LYPLAL1: variants seen among roughly 807,000 people sequenced by gnomAD.
LYPLAL1 encodes the protein lysophospholipase-like protein 1.
Under a neutral mutation model 19.7 loss-of-function variants are expected in LYPLAL1, and 23 were observed. The observed-to-expected ratio is 1.17, with a 90% CI of 0.84 to 1.65. The LOEUF is 1.65. LYPLAL1 is among the 40% of genes most tolerant of loss of function. LYPLAL1 has a pLI of 0.00. For missense variants in LYPLAL1, 355 were observed against 279.4 expected, an observed-to-expected ratio of 1.27 and a Z score of -1.93; for synonymous variants, 119 against 96.3, an observed-to-expected ratio of 1.24 and a Z score of -1.38.
At chr1:219,261,906 G>A in the LYPLAL1 span, among the ~76,000 whole-genome samples, 23 of 152,262 alleles carry the variant, frequency 1.5e-4, no homozygotes, top group African/African-American at 3.4e-4. Flanking sequence ...TGGCAAGGCC[G>A]GGGAATGTTT....
chr1:219,178,003 G>T (rs1329045948), intron 1 of LYPLAL1, among the ~76,000 whole-genome samples: 1 of 152,062 alleles, frequency 6.6e-6, no homozygotes, highest in African/African-American at 2.4e-5. Context: ...CTCGCCCTGG[G>T]ATACTTTTTT....
chr1:219,355,301 A>T, the LYPLAL1 span, among the ~76,000 whole-genome samples: 5 of 152,362 alleles, frequency 3.3e-5, no homozygotes, highest in African/African-American at 1.2e-4. Flanking sequence ...AATAAACAAC[A>T]TACAAAGATA....
At chr1:219,316,977 A>G in the LYPLAL1 span, among the ~76,000 whole-genome samples, 1 of 152,200 alleles carries the variant, frequency 6.6e-6, no homozygotes, top group African/African-American at 2.4e-5. Context: ...GTAGTGATGG[A>G]TGCACAACAT....
the LYPLAL1 span, among the ~76,000 whole-genome samples, chr1:219,386,860 T>C: frequency 6.6e-6 from 1 of 152,176 alleles, no homozygotes; most frequent in African/African-American, 2.4e-5. Flanking sequence ...ACCTCTGATA[T>C]TGCTTTCAAA....
intron 2 of LYPLAL1, among the ~76,000 whole-genome samples, chr1:219,179,853 T>G (rs1034164478): frequency 6.6e-6 from 1 of 152,214 alleles, no homozygotes; most frequent in Non-Finnish European, 1.5e-5. Flanking sequence ...TAAATTAACA[T>G]CTGCATAGTC....
chr1:219,225,680 C>T, the LYPLAL1 span, among the ~76,000 whole-genome samples: 217 of 152,260 alleles, frequency 1.4e-3, 1 homozygote, highest in African/African-American at 5.1e-3. Context: ...TTGGTCTGTT[C>T]CACCACCTAA....
At chr1:219,381,478 A>T in the LYPLAL1 span, among the ~76,000 whole-genome samples, 1 of 152,306 alleles carries the variant, frequency 6.6e-6, no homozygotes, top group South Asian at 2.1e-4. Context: ...TCTATTTTCT[A>T]TCCAAGAGAA....
chr1:219,351,308 G>A, the LYPLAL1 span, among the ~76,000 whole-genome samples: 1 of 151,744 alleles, frequency 6.6e-6, no homozygotes, highest in Non-Finnish European at 1.5e-5. Context: ...GCTCATTGTT[G>A]GGATGAGAAT....
chr1:219,302,552 A>G, the LYPLAL1 span, among the ~76,000 whole-genome samples: 1 of 152,182 alleles, frequency 6.6e-6, no homozygotes, highest in Admixed American at 6.5e-5. Context: ...AATCTAGGCA[A>G]GTTTCCATAT....
the LYPLAL1 span, among the ~76,000 whole-genome samples, chr1:219,239,278 G>A: frequency 1.3e-5 from 2 of 152,208 alleles, no homozygotes; most frequent in East Asian, 3.8e-4. Context: ...GCCCAGATGT[G>A]CAGTTACTAC....
the LYPLAL1 span, among the ~76,000 whole-genome samples, chr1:219,360,619 C>CTGTGCATATGTGTGTTTGCACA: frequency 6.6e-6 from 1 of 152,114 alleles, no homozygotes; most frequent in African/African-American, 2.4e-5. Context: ...TTGTGTGTGT[C>CTGTGCATATGTGTGTTTGCACA]TGTGCATATG....
chr1:219,279,357 T>G, the LYPLAL1 span, among the ~76,000 whole-genome samples: 1 of 152,122 alleles, frequency 6.6e-6, no homozygotes, highest in Non-Finnish European at 1.5e-5. Context: ...AGGTAATGGA[T>G]CCAATGCCCA....
the LYPLAL1 span, among the ~76,000 whole-genome samples, chr1:219,220,413 A>G: frequency 6.6e-6 from 1 of 150,744 alleles, no homozygotes; most frequent in Admixed American, 6.6e-5. Context: ...TACTAGTACC[A>G]TCTACCATTA....
the LYPLAL1 span, among the ~76,000 whole-genome samples, chr1:219,229,519 T>C: frequency 6.6e-6 from 1 of 152,226 alleles, no homozygotes; most frequent in Non-Finnish European, 1.5e-5. Flanking sequence ...CATCCGATTC[T>C]TCCGGTAAAC....
At chr1:219,208,039 T>C (rs892735767) in intron 3 of LYPLAL1, among the ~76,000 whole-genome samples, 1 of 152,072 alleles carries the variant, frequency 6.6e-6, no homozygotes, top group Non-Finnish European at 1.5e-5. Context: ...AGTTTTATTA[T>C]TAACAGTGTG....
chr1:219,275,900 G>T, the LYPLAL1 span, among the ~76,000 whole-genome samples: 3 of 152,190 alleles, frequency 2.0e-5, no homozygotes, highest in African/African-American at 7.2e-5. Context: ...AGCTTTATAT[G>T]CTGCTACTTT....
the LYPLAL1 span, among the ~76,000 whole-genome samples, chr1:219,242,148 C>T: frequency 6.6e-6 from 1 of 152,122 alleles, no homozygotes; most frequent in African/African-American, 2.4e-5. Context: ...ATATATCAGG[C>T]TAAGAACTAT....
the LYPLAL1 span, among the ~76,000 whole-genome samples, chr1:219,374,931 G>A: frequency 1.3e-5 from 2 of 152,058 alleles, no homozygotes; most frequent in Non-Finnish European, 2.9e-5. Context: ...TTACTTGGGG[G>A]GATGGATTTG....
the LYPLAL1 span, among the ~76,000 whole-genome samples, chr1:219,412,760 A>G: frequency 2.0e-5 from 3 of 152,234 alleles, no homozygotes; most frequent in Non-Finnish European, 2.9e-5. Context: ...GGAGCCTGCC[A>G]TGTAAGTCCA....
Sources: allele counts gnomAD v4.1 joint callset (sites outside exome capture counted in the v4.1 genomes callset), GRCh38; gene constraint gnomAD v4.1.1; transcripts MANE v1.5; gene names NCBI Gene and HGNC (gene_info 2026-07-23, HGNC 2026-07-21).